ENOX1: variants seen among roughly 807,000 people sequenced by gnomAD.
ENOX1 encodes the protein candidate growth-related and time keeping constitutive hydroquinone (NADH) oxidase.
Under a neutral mutation model 82.5 loss-of-function variants are expected in ENOX1, and 42 were observed. The observed-to-expected ratio is 0.51, with a 90% CI of 0.40 to 0.66. The LOEUF is 0.66. Among genes scored for constraint, ENOX1 ranks in the 30% least tolerant of loss-of-function variants. ENOX1 has a pLI of 0.00. For synonymous variants in ENOX1, 271 were observed against 282.2 expected (o/e 0.96, Z 0.40); for missense variants, 608 against 811.6 (o/e 0.75, Z 3.05).
At chr13:43,316,626 TTA>T (rs2047503697) in intron 11 of ENOX1, among the ~76,000 whole-genome samples, 1 of 19,976 alleles carries the variant, frequency 5.0e-5, no homozygotes, top group Non-Finnish European at 4.1e-4. Context: ...GTGAAGCAAT[TTA>T]CAAAAAAAAA....
At chr13:43,505,805 T>A (rs910665176) in intron 2 of ENOX1, among the ~76,000 whole-genome samples, 13 of 152,146 alleles carry the variant, frequency 8.5e-5, no homozygotes, top group Non-Finnish European at 1.6e-4. Context: ...CTTTTGGTGT[T>A]TTAGACATGA....
intron 14 of ENOX1, among the ~76,000 whole-genome samples, chr13:43,237,823 A>G (rs1350101266): frequency 6.6e-6 from 1 of 152,222 alleles, no homozygotes. Flanking sequence ...AAATAAACCC[A>G]GCACATGCCA....
intron 3 of ENOX1, among the ~76,000 whole-genome samples, chr13:43,441,505 C>T (rs140279119): frequency 5.9e-4 from 90 of 152,190 alleles, no homozygotes; most frequent in African/African-American, 2.1e-3. Context: ...AAAGGAAACA[C>T]GATTCTAAAA....
intron 5 of ENOX1, among the ~76,000 whole-genome samples, chr13:43,393,079 T>C (rs1458217195): frequency 6.6e-6 from 1 of 152,194 alleles, no homozygotes; most frequent in African/African-American, 2.4e-5. Flanking sequence ...TTAGAAATAA[T>C]TCATATAAAA....
At chr13:43,763,682 T>G (rs1200197268) in intron 1 of ENOX1, among the ~76,000 whole-genome samples, 2 of 152,152 alleles carry the variant, frequency 1.3e-5, no homozygotes, top group African/African-American at 4.8e-5. Context: ...CTAAGTACAA[T>G]GTCAGATTGA....
chr13:43,345,224 T>A (rs551666680), intron 8 of ENOX1, among the ~76,000 whole-genome samples: 39 of 152,362 alleles, frequency 2.6e-4, no homozygotes, highest in African/African-American at 7.0e-4. Context: ...TGGATTTTTT[T>A]AAAAGTGTTT....
chr13:43,234,917 T>C (rs1004045901), intron 15 of ENOX1, among the ~76,000 whole-genome samples: 6 of 152,196 alleles, frequency 3.9e-5, no homozygotes, highest in Admixed American at 6.5e-5. Flanking sequence ...CAGCTATCTC[T>C]AGTGAAAGGA....
intron 11 of ENOX1, among the ~76,000 whole-genome samples, chr13:43,319,862 CCT>C (rs371223705): frequency 6.6e-6 from 1 of 152,300 alleles, no homozygotes; most frequent in African/African-American, 2.4e-5. Flanking sequence ...TGGCAATTCC[CCT>C]GTTAGTGAAT....
At chr13:43,505,635 T>A (rs536289513) in intron 2 of ENOX1, among the ~76,000 whole-genome samples, 1 of 152,114 alleles carries the variant, frequency 6.6e-6, no homozygotes, top group Non-Finnish European at 1.5e-5. Context: ...GAGTTCGTTG[T>A]AGATTCTGGA....
chr13:43,770,002 T>C (rs1215397151), intron 1 of ENOX1, among the ~76,000 whole-genome samples: 2 of 152,234 alleles, frequency 1.3e-5, no homozygotes, highest in Non-Finnish European at 2.9e-5. Flanking sequence ...AATAAGAATT[T>C]ACCCAAATGA....
chr13:43,616,880 A>C (rs999671521), intron 2 of ENOX1, among the ~76,000 whole-genome samples: 2 of 152,144 alleles, frequency 1.3e-5, no homozygotes, highest in Non-Finnish European at 2.9e-5. Flanking sequence ...TTTGAAACTC[A>C]TATCTACTTA....
At chr13:43,369,992 T>C (rs958590187) in intron 5 of ENOX1, among the ~76,000 whole-genome samples, 1 of 152,356 alleles carries the variant, frequency 6.6e-6, no homozygotes, top group Non-Finnish European at 1.5e-5. Flanking sequence ...TTTCTGTTCT[T>C]TCCCCTCTCT....
At chr13:43,454,888 G>T (rs1240749298) in intron 3 of ENOX1, among the ~76,000 whole-genome samples, 2 of 150,668 alleles carry the variant, frequency 1.3e-5, no homozygotes, top group African/African-American at 2.4e-5. Context: ...TAGTCTACTG[G>T]ATCTCTTTTT....
intron 14 of ENOX1, among the ~76,000 whole-genome samples, chr13:43,250,839 A>G (rs2043412885): frequency 6.6e-6 from 1 of 152,252 alleles, no homozygotes. Flanking sequence ...TATAAAATAT[A>G]TTAAATACAG....
At position 43,470,214 on chromosome 13, in the gene ENOX1, ATATGTGTGTG is replaced by A. The variant is rs1249163804; in HGVS notation, c.-75+13785_-75+13794del. On this transcript the variant is annotated intron_variant, in intron 3 of 16. Transcript: ENST00000690772. Reference sequence around the variant, plus strand: ...TGTGTATATATATATGTGTATATATATATGTGTGTGTATGTGTGTGTGTGTATATATATAC... The same window carrying A: ...TGTGTATATATATATGTGTATATATATATGTGTGTGTGTGTATATATATAC... Among the ~76,000 whole-genome samples the A allele has an allele frequency of 4.2e-5, 5 of 118,016 alleles. 1 individual carries two copies. The highest frequency in any genetic ancestry group is 3.5e-4 in the Admixed American group (4 of 11,562). The allele number at this position is 118,016 out of a possible 152,430, so 77.4% of individuals were successfully genotyped here. A position where few individuals can be genotyped will look rare whatever the true frequency, so the allele number is the denominator to read the frequency against.
chr13:43,376,070 T>C (rs1401207228), intron 5 of ENOX1, among the ~76,000 whole-genome samples: 1 of 152,228 alleles, frequency 6.6e-6, no homozygotes, highest in African/African-American at 2.4e-5. Context: ...TTTGCCAGAA[T>C]AGCAGAAAAG....
rs1257296069 is a variant in ENOX1, at chr13:43,786,581, G to A, written c.-285+71C>T. 1 of 152,166 alleles carries A rather than the reference G, an allele frequency of 6.6e-6. No individual in the cohort carries two copies. Among genetic ancestry groups the A allele is most frequent in the Non-Finnish European group, 1.5e-5 (1 of 68,144 alleles). 9.4% of individuals were successfully genotyped at this position (152,166 alleles called of 1,614,324 possible). On this transcript the variant is annotated intron_variant, in intron 1 of 16. Coordinates refer to ENST00000690772, the MANE Select transcript of ENOX1 (RefSeq NM_001347969.2). This position sits in a 1 kb window ranked among gnomAD's most constrained non-coding sequence, Gnocchi z 6.0. Reference sequence around the variant, plus strand: ...AGTCTAGATCCAGGTGCCGTGGCGGGGGTGAGACCAGAGGACCCCGGCTCG... The same window carrying A: ...AGTCTAGATCCAGGTGCCGTGGCGGAGGTGAGACCAGAGGACCCCGGCTCG...
chr13:43,660,425 A>G (rs1454828610), intron 2 of ENOX1, among the ~76,000 whole-genome samples: 1 of 152,198 alleles, frequency 6.6e-6, no homozygotes, highest in African/African-American at 2.4e-5. Context: ...TGAAATGGGG[A>G]TTACTCTTTT....
chr13:43,373,097 T>G (rs529656177), intron 5 of ENOX1, among the ~76,000 whole-genome samples: 28 of 152,248 alleles, frequency 1.8e-4, no homozygotes, highest in Middle Eastern at 3.4e-3. Context: ...TTATATCATT[T>G]GTGTGTGTGA....
Sources: allele counts gnomAD v4.1 joint callset (sites outside exome capture counted in the v4.1 genomes callset), GRCh38; gene constraint gnomAD v4.1.1; non-coding constraint Gnocchi (gnomAD v3.1); transcripts MANE v1.5; gene names NCBI Gene and HGNC (gene_info 2026-07-23, HGNC 2026-07-21).